INTU: variants seen among roughly 807,000 people sequenced by gnomAD.
INTU encodes the protein inturned planar cell polarity protein, also known as protein inturned.
In INTU, 68 loss-of-function variants were observed where a neutral mutation model predicts 100.5. The ratio of observed to expected loss-of-function variants is 0.68; its 90% CI spans 0.56 to 0.83. The LOEUF (loss-of-function observed/expected upper bound fraction) is 0.83, where lower values mean the gene tolerates loss of function less well. Ranked by LOEUF, INTU falls within the 40% of genes least tolerant of loss-of-function variation. The pLI is 0.00. For synonymous variants in INTU, 357 were observed against 395.7 expected (o/e 0.90, Z 1.16); for missense variants, 1,071 against 1,114.7 (o/e 0.96, Z 0.56).
At chr4:127,653,569 G>A (rs1578546483) in intron 2 of INTU, among the ~76,000 whole-genome samples, 1 of 152,298 alleles carries the variant, frequency 6.6e-6, no homozygotes, top group East Asian at 1.9e-4. Context: ...TAGTTTGATT[G>A]CACTGTGGTC....
At chr4:127,704,183 A>G (rs777737146) in intron 9 of INTU, 45 bp from the exon 10 acceptor site, 2 of 1,494,948 alleles carry the variant, frequency 1.3e-6, no homozygotes, top group East Asian at 2.3e-5. Context: ...AATTTTTATC[A>G]CAAAAAAATA....
In INTU at chr4:127,708,680, T is replaced by G; in HGVS notation, c.2369+12T>G. The G allele has an allele frequency of 7.3e-7, 1 of 1,376,636 alleles. No individual in the cohort carries two copies. Among genetic ancestry groups the G allele is most frequent in the Non-Finnish European group, 1.0e-6 (1 of 984,312 alleles). 85.3% of individuals were successfully genotyped at this position (1,376,636 alleles called of 1,614,324 possible). A position where few individuals can be genotyped will look rare whatever the true frequency, so the allele number is the denominator to read the frequency against. On this transcript the variant is annotated intron_variant, in intron 13 of 15. Coordinates refer to ENST00000335251, the MANE Select transcript of INTU (RefSeq NM_015693.4). Reference sequence around the variant, plus strand: ...TATAACACAGTGAAGTAAGAAACTTTCTTATTCTTGTTCACTTAAACTCAG... The same window carrying G: ...TATAACACAGTGAAGTAAGAAACTTGCTTATTCTTGTTCACTTAAACTCAG...
intron 8 of INTU, among the ~76,000 whole-genome samples, chr4:127,698,055 G>T (rs888798509): frequency 1.3e-5 from 2 of 152,204 alleles, no homozygotes; most frequent in African/African-American, 4.8e-5. Flanking sequence ...GGGAGGCGGA[G>T]GTTGCGGTGA....
chr4:127,636,613 CAAA>C (rs770388771), intron 1 of INTU, among the ~76,000 whole-genome samples: 15 of 85,500 alleles, frequency 1.8e-4, no homozygotes, highest in South Asian at 4.1e-4. Flanking sequence ...CACACCATCT[CAAA>C]AAAAAAAAAA....
At chr4:127,695,579 T>G (rs773685295) in intron 8 of INTU, among the ~76,000 whole-genome samples, 7 of 152,246 alleles carry the variant, frequency 4.6e-5, no homozygotes, top group Non-Finnish European at 7.3e-5. Context: ...AGGGTTAATA[T>G]AGAAAATTGT....
At chr4:127,685,221 T>C (rs998823302) in intron 7 of INTU, among the ~76,000 whole-genome samples, 6 of 152,090 alleles carry the variant, frequency 3.9e-5, no homozygotes, top group Admixed American at 3.3e-4. Flanking sequence ...AGGCAGAAAT[T>C]TGAGGTAACA....
At chr4:127,666,240 A>C (rs1263829377) in intron 4 of INTU, among the ~76,000 whole-genome samples, 2 of 152,060 alleles carry the variant, frequency 1.3e-5, no homozygotes. Context: ...TTGTGACTCT[A>C]TACTTGTAGA....
intron 5 of INTU, among the ~76,000 whole-genome samples, chr4:127,673,918 T>C (rs1369073320): frequency 6.6e-6 from 1 of 151,286 alleles, no homozygotes; most frequent in Non-Finnish European, 1.5e-5. Flanking sequence ...TTTCTGTTTT[T>C]TTGTTTTTTT....
At chr4:127,682,096 A>T (rs1193127109) in intron 6 of INTU, among the ~76,000 whole-genome samples, 1 of 151,968 alleles carries the variant, frequency 6.6e-6, no homozygotes, top group South Asian at 2.1e-4. Flanking sequence ...TTAAAAAGTC[A>T]GGAAACAACA....
Position 127,643,739 on chromosome 4 carries a change from G to C in INTU, c.365G>C (p.Arg122Thr), listed in dbSNP as rs1392642709. ...KQFTKILRRK[R>T]LLPKRCNKKN... ...TTTACCAAAATTTTAAGAAGGAAAAGACTTTTACCCAAGCGCTGCAATAAA... is the reference window on the plus strand; with the variant it reads ...TTTACCAAAATTTTAAGAAGGAAAACACTTTTACCCAAGCGCTGCAATAAA... The change falls in exon 2 of 16, where the codon AGA (arginine) becomes ACA (threonine). Residue 122 changes from arginine (R) to threonine (T), a missense_variant. Transcript: ENST00000335251. 1 of 1,610,980 alleles carries C rather than the reference G, an allele frequency of 6.2e-7. No homozygotes were observed. Among genetic ancestry groups the C allele is most frequent in the Admixed American group, 1.7e-5 (1 of 59,228 alleles).
chr4:127,714,102 G>A lies in INTU; in HGVS notation c.2717+9G>A, dbSNP rs1560622740. 5.0e-6 allele frequency: 8 copies of A among 1,587,780 alleles called. No individual in the cohort carries two copies. Among genetic ancestry groups the A allele is most frequent in the Admixed American group, 3.8e-5 (2 of 52,750 alleles). On this transcript the variant is annotated intron_variant, in intron 15 of 15. Coordinates refer to ENST00000335251, the MANE Select transcript of INTU (RefSeq NM_015693.4). ...GCTTACTGGGTAGTAGGGTAAGTGA[G>A]AAAAAAAAGTATTTGAAAGTAAAGT...
chr4:127,662,044 G>T (rs1728500419), intron 3 of INTU, among the ~76,000 whole-genome samples: 1 of 152,226 alleles, frequency 6.6e-6, no homozygotes, highest in South Asian at 2.1e-4. Flanking sequence ...GATTAGTCAT[G>T]TTGAGCATTT....
In INTU at chr4:127,656,733, C is replaced by A; in HGVS notation, c.768+12C>A. 1 of 1,516,062 alleles carries A rather than the reference C, an allele frequency of 6.6e-7. No individual in the cohort carries two copies. The highest frequency in any genetic ancestry group is 9.1e-7 in the Non-Finnish European group (1 of 1,101,240). The allele number at this position is 1,516,062 out of a possible 1,614,324, so 93.9% of individuals were successfully genotyped here. A position where few individuals can be genotyped will look rare whatever the true frequency, so the allele number is the denominator to read the frequency against. On this transcript the variant is annotated intron_variant, in intron 3 of 15. Coordinates refer to ENST00000335251, the MANE Select transcript of INTU (RefSeq NM_015693.4). Reference sequence around the variant, plus strand: ...CTGGACCTATGCAGGTATGGACATTCTTTTTCTATATTTTATGATGTTACA... The same window carrying A: ...CTGGACCTATGCAGGTATGGACATTATTTTTCTATATTTTATGATGTTACA...
At chr4:127,650,606 A>C (rs1162928018) in intron 2 of INTU, among the ~76,000 whole-genome samples, 1 of 151,776 alleles carries the variant, frequency 6.6e-6, no homozygotes, top group Non-Finnish European at 1.5e-5. Flanking sequence ...ACATTTTCTT[A>C]ATCCAGTCTA....
Position 127,693,258 on chromosome 4 carries a change from T to A in INTU, c.1449+5391T>A, listed in dbSNP as rs189179313. Among the ~76,000 whole-genome samples, 15 of 152,224 alleles carry A rather than the reference T, an allele frequency of 9.9e-5. No homozygotes were observed. The East Asian group carries it at 2.7e-3, about 27-fold the overall frequency. ...TTGGTATTGTCTATGATTTCTTTCA[T>A]CAGTGTTTTGTAGTTTTCTTTGTAG... On this transcript the variant is annotated intron_variant, in intron 8 of 15. Coordinates refer to ENST00000335251, the MANE Select transcript of INTU (RefSeq NM_015693.4).
At chr4:127,637,600 A>C (rs981555968) in intron 1 of INTU, among the ~76,000 whole-genome samples, 1 of 152,162 alleles carries the variant, frequency 6.6e-6, no homozygotes, top group Non-Finnish European at 1.5e-5. Context: ...CTCTTAGACT[A>C]TCTCTCCATC....
intron 1 of INTU, among the ~76,000 whole-genome samples, chr4:127,634,064 T>G (rs1726961543): frequency 6.6e-6 from 1 of 152,206 alleles, no homozygotes. Flanking sequence ...TTACAAATCA[T>G]TTATATGTAT....
At position 127,643,502 on chromosome 4, in the gene INTU, T is replaced by A. The variant is rs368558887; in HGVS notation, c.147-19T>A. 2 of 1,554,494 alleles carry A rather than the reference T, an allele frequency of 1.3e-6. No individual in the cohort carries two copies. The highest frequency in any genetic ancestry group is 1.7e-6 in the Non-Finnish European group (2 of 1,156,346). On this transcript the variant is annotated intron_variant, in intron 1 of 15. Transcript: ENST00000335251. ...ATATATTGGGCTGCTATTAAGATTA[T>A]CTTTTCTCTCTTTCATAGTGATCTT...
chr4:127,643,005 T>C (rs550185161), intron 1 of INTU, among the ~76,000 whole-genome samples: 80 of 152,330 alleles, frequency 5.3e-4, no homozygotes, highest in Admixed American at 1.8e-3. Context: ...TGAAAACTTA[T>C]GTAAAAGTCT....
Sources: allele counts gnomAD v4.1 joint callset (sites outside exome capture counted in the v4.1 genomes callset), GRCh38; gene constraint gnomAD v4.1.1; transcripts MANE v1.5; gene names NCBI Gene and HGNC (gene_info 2026-07-23, HGNC 2026-07-21).